The following LIFR variants were observed in gnomAD, a reference collection of about 807,000 sequenced individuals.
LIFR encodes leukemia inhibitory factor receptor.
A neutral mutation model predicts 122.2 loss-of-function variants in LIFR; 84 were observed. The observed-to-expected ratio is 0.69, with a 90% CI of 0.58 to 0.82. LIFR has a LOEUF of 0.82. Among genes scored for constraint, LIFR ranks in the 40% least tolerant of loss-of-function variants. The pLI, the probability that LIFR is intolerant of heterozygous loss-of-function variation, is 0.00. For missense variants in LIFR, 1,294 were observed against 1,311.6 expected, an observed-to-expected ratio of 0.99 and a Z score of 0.21; for synonymous variants, 422 against 434.7, an observed-to-expected ratio of 0.97 and a Z score of 0.36.
intron 1 of LIFR, among the ~76,000 whole-genome samples, chr5:38,533,875 G>T (rs915946074): frequency 2.0e-5 from 3 of 152,158 alleles, no homozygotes; most frequent in Non-Finnish European, 4.4e-5. Context: ...AATCAAGACA[G>T]CCCAAAGCAT....
At chr5:38,544,045 C>T (rs1334665494) in intron 1 of LIFR, among the ~76,000 whole-genome samples, 1 of 152,112 alleles carries the variant, frequency 6.6e-6, no homozygotes, top group East Asian at 1.9e-4. Context: ...TCCCTATCGG[C>T]CTCTACCCAC....
rs752038840 is a variant in LIFR, at chr5:38,496,487, C to T, written c.1780G>A (p.Ala594Thr). ...LSEIPDPQHK[A>T]EIRLDKNDYI... The stretch of plus-strand genomic sequence containing the variant: ...TCATTCTTATCAAGTCGTATCTCTG[C>T]TTTGTGCTGAGGATCAGGGATTTCA... Residue 594 changes from alanine to threonine, a missense_variant, in exon 13 of 20, where the codon GCA becomes ACA. Transcript: ENST00000453190. 2.5e-6 allele frequency: 4 copies of T among 1,614,012 alleles called. No individual in the cohort carries two copies. Among genetic ancestry groups the T allele is most frequent in the Admixed American group, 1.7e-5 (1 of 60,016 alleles).
chr5:38,567,437 A>G (rs1333996504), intron 1 of LIFR, among the ~76,000 whole-genome samples: 2 of 151,270 alleles, frequency 1.3e-5, no homozygotes, highest in African/African-American at 4.9e-5. Flanking sequence ...TTTGTTTATT[A>G]ATTTTTCTTT....
chr5:38,590,356 G>T (rs1749884842), intron 1 of LIFR, among the ~76,000 whole-genome samples: 1 of 152,140 alleles, frequency 6.6e-6, no homozygotes, highest in Non-Finnish European at 1.5e-5. Flanking sequence ...AAGTAGGGAG[G>T]TGGGAAAATA....
chr5:38,546,197 TAC>T (rs1457556573), intron 1 of LIFR, among the ~76,000 whole-genome samples: 1 of 152,186 alleles, frequency 6.6e-6, no homozygotes, highest in African/African-American at 2.4e-5. Flanking sequence ...AATAAAATGT[TAC>T]ACAGTCATCA....
chr5:38,591,716 G>C (rs1561230971), intron 1 of LIFR, among the ~76,000 whole-genome samples: 1 of 152,136 alleles, frequency 6.6e-6, no homozygotes, highest in South Asian at 2.1e-4. Flanking sequence ...TTTTGCTCTT[G>C]TCCTCAGGAA....
intron 1 of LIFR, among the ~76,000 whole-genome samples, chr5:38,531,401 A>G (rs1337858329): frequency 6.6e-6 from 1 of 152,170 alleles, no homozygotes; most frequent in African/African-American, 2.4e-5. Context: ...CTAAAATATT[A>G]AAGAGAAATT....
At chr5:38,491,081 G>A (rs1045915360) in intron 14 of LIFR, among the ~76,000 whole-genome samples, 4 of 152,128 alleles carry the variant, frequency 2.6e-5, no homozygotes, top group Non-Finnish European at 4.4e-5. Context: ...AAGCTTCAGT[G>A]TTAAAGGAAT....
intron 7 of LIFR, among the ~76,000 whole-genome samples, chr5:38,508,328 T>C (rs932545464): frequency 2.2e-4 from 34 of 152,248 alleles, no homozygotes; most frequent in Middle Eastern, 3.4e-3. Flanking sequence ...CACCTAGCAC[T>C]AGGAAAAAAT....
chr5:38,599,811 A>T (rs1366735233), upstream of LIFR, among the ~76,000 whole-genome samples: 3 of 152,148 alleles, frequency 2.0e-5, no homozygotes, highest in Admixed American at 6.5e-5. Flanking sequence ...AACCAAAAAT[A>T]AAATTCTAAA....
chr5:38,487,797 G>A lies in LIFR; in HGVS notation c.2335+1281C>T, dbSNP rs148974683. On this transcript the variant is annotated intron_variant, in intron 16 of 19. Coordinates refer to ENST00000453190, the MANE Select transcript of LIFR (RefSeq NM_001127671.2). ...GTTAGGCCCTTCAGTTCTAAGGAACGTTCTTCAATCGACCCCTCCGTTCAG... is the reference window on the plus strand; with the variant it reads ...GTTAGGCCCTTCAGTTCTAAGGAACATTCTTCAATCGACCCCTCCGTTCAG... Among the ~76,000 whole-genome samples the A allele has an allele frequency of 5.9e-3, 897 of 152,206 alleles. 3 individuals are homozygous for A. Among genetic ancestry groups the A allele is most frequent in the African/African-American group, 0.019 (805 of 41,540 alleles).
At chr5:38,531,140 T>C (rs1243946185) in intron 1 of LIFR, among the ~76,000 whole-genome samples, 1 of 152,220 alleles carries the variant, frequency 6.6e-6, no homozygotes, top group Non-Finnish European at 1.5e-5. Context: ...AAGTTTCTAT[T>C]TCATACAAAT....
At chr5:38,498,733 C>G (rs1745019374) in intron 12 of LIFR, among the ~76,000 whole-genome samples, 1 of 152,152 alleles carries the variant, frequency 6.6e-6, no homozygotes, top group Non-Finnish European at 1.5e-5. Context: ...ATCATGAAAT[C>G]TGACAGGCAA....
At chr5:38,514,211 TC>T (rs1459520586) in intron 5 of LIFR, among the ~76,000 whole-genome samples, 3 of 151,208 alleles carry the variant, frequency 2.0e-5, no homozygotes, top group East Asian at 1.9e-4. Context: ...ACAGAAGTTC[TC>T]AAAAAAAAGG....
chr5:38,570,781 C>T (rs1275376157), intron 1 of LIFR, among the ~76,000 whole-genome samples: 1 of 152,174 alleles, frequency 6.6e-6, no homozygotes, highest in Non-Finnish European at 1.5e-5. Flanking sequence ...GTAGATCTAA[C>T]TTGCTAAATC....
chr5:38,575,401 A>G (rs1749351559), intron 1 of LIFR, among the ~76,000 whole-genome samples: 1 of 152,186 alleles, frequency 6.6e-6, no homozygotes, highest in African/African-American at 2.4e-5. Context: ...ATTATACTTT[A>G]AGAGGTTTTA....
intron 3 of LIFR, among the ~76,000 whole-genome samples, chr5:38,528,170 T>C (rs1039020371): frequency 2.6e-5 from 4 of 152,214 alleles, no homozygotes; most frequent in African/African-American, 4.8e-5. Context: ...CCTTTTCTGC[T>C]GAGAAAACTG....
intron 11 of LIFR, among the ~76,000 whole-genome samples, chr5:38,500,231 A>G (rs1345462666): frequency 6.6e-6 from 1 of 152,108 alleles, no homozygotes; most frequent in Non-Finnish European, 1.5e-5. Context: ...CTAGTCCTGG[A>G]TCCTACAAAC....
chr5:38,545,751 A>G (rs1747850134), intron 1 of LIFR, among the ~76,000 whole-genome samples: 1 of 150,846 alleles, frequency 6.6e-6, no homozygotes, highest in South Asian at 2.1e-4. Context: ...AGTCCCAGCT[A>G]TGTGGGAGGC....
Sources: allele counts gnomAD v4.1 joint callset (sites outside exome capture counted in the v4.1 genomes callset), GRCh38; gene constraint gnomAD v4.1.1; transcripts MANE v1.5; gene names NCBI Gene and HGNC (gene_info 2026-07-23, HGNC 2026-07-21).